Variants in KIRREL3 observed in about 807,000 individuals in gnomAD.
The protein encoded by KIRREL3 is kirre like nephrin family adhesion molecule 3, also known as kin of IRRE-like protein 3.
A neutral mutation model predicts 89.7 loss-of-function variants in KIRREL3; 36 were observed. That is an observed-to-expected ratio of 0.40 (90% confidence interval 0.31 to 0.53). KIRREL3 has a LOEUF of 0.53. Ranked by LOEUF, KIRREL3 falls within the 20% of genes least tolerant of loss-of-function variation. The pLI, the probability that KIRREL3 is intolerant of heterozygous loss-of-function variation, is 0.49. For synonymous variants in KIRREL3, 445 were observed against 441.4 expected (o/e 1.01, Z -0.10); for missense variants, 864 against 1,056.6 (o/e 0.82, Z 2.53).
intron 4 of KIRREL3, among the ~76,000 whole-genome samples, chr11:126,503,920 CCAGACACAGT>C (rs1317119495): frequency 6.6e-6 from 1 of 152,038 alleles, no homozygotes; most frequent in Non-Finnish European, 1.5e-5. Context: ...CTTCCAGGCT[CCAGACACAGT>C]CTGGAGAAAT....
rs201064900 is a variant in KIRREL3, at chr11:126,820,446, T to C, written c.55+180009A>G. ...ATGATGATCCCAAGTGGAATAACTATATAAGGTGTGGATTCTGACCCAGAG... is the reference window on the plus strand; with the variant it reads ...ATGATGATCCCAAGTGGAATAACTACATAAGGTGTGGATTCTGACCCAGAG... On this transcript the variant is annotated intron_variant, in intron 1 of 16. Coordinates refer to ENST00000525144, the MANE Select transcript of KIRREL3 (RefSeq NM_032531.4). Among the ~76,000 whole-genome samples the C allele has an allele frequency of 1.7e-3, 266 of 152,212 alleles. 1 individual carries two copies. Among genetic ancestry groups the C allele is most frequent in the African/African-American group, 5.7e-3 (237 of 41,518 alleles).
At position 126,490,391 on chromosome 11, in the gene KIRREL3, G is replaced by T. The variant is rs939100316; in HGVS notation, c.434-16925C>A. ...CAGCCTGGCCCTGTCCGTGAGCCAG[G>T]TTATTGGAAATAGACCATGTAGGCC... is the stretch of plus-strand genomic sequence containing the variant. On this transcript the variant is annotated intron_variant, in intron 4 of 16. Transcript: ENST00000525144. This position sits in a 1 kb window ranked among gnomAD's most constrained non-coding sequence, Gnocchi z 4.2. Among the ~76,000 whole-genome samples, 3 of 152,116 alleles carry T rather than the reference G, an allele frequency of 2.0e-5. No individual in the cohort carries two copies. Among genetic ancestry groups the T allele is most frequent in the African/African-American group, 7.2e-5 (3 of 41,416 alleles).
At chr11:126,681,754 A>G (rs1946467212) in intron 1 of KIRREL3, 1 of 374,620 alleles carries the variant, frequency 2.7e-6, no homozygotes, top group Non-Finnish European at 5.3e-6. Flanking sequence ...TCTTAGTGTT[A>G]ACTCCACTCC....
chr11:126,758,030 T>C (rs1169018916), intron 1 of KIRREL3, among the ~76,000 whole-genome samples: 1 of 152,232 alleles, frequency 6.6e-6, no homozygotes, highest in Non-Finnish European at 1.5e-5. Flanking sequence ...ATTTGCATAA[T>C]GACTGATTCC....
In KIRREL3 at chr11:126,898,318, G is replaced by A. The variant is rs537050201; in HGVS notation, c.55+102137C>T. On this transcript the variant is annotated intron_variant, in intron 1 of 16. Transcript: ENST00000525144. This position sits in a 1 kb window ranked among gnomAD's most constrained non-coding sequence, Gnocchi z 4.9. ...TGGAACTGCTCTGAACCAGTGTTGAGAATATAAACTGGTCGGATATTTTAG... is the reference window on the plus strand; with the variant it reads ...TGGAACTGCTCTGAACCAGTGTTGAAAATATAAACTGGTCGGATATTTTAG... Among the ~76,000 whole-genome samples, 8 of 152,332 alleles carry A rather than the reference G, an allele frequency of 5.3e-5. 1 individual carries two copies. Among genetic ancestry groups the A allele is most frequent in the African/African-American group, 1.7e-4 (7 of 41,576 alleles).
At chr11:126,457,162 G>A (rs1016953200) in intron 6 of KIRREL3, among the ~76,000 whole-genome samples, 1 of 135,644 alleles carries the variant, frequency 7.4e-6, no homozygotes, top group Non-Finnish European at 1.6e-5. Flanking sequence ...GAGAGACATG[G>A]AGACCATAGA....
At position 126,459,066 on chromosome 11, in the gene KIRREL3, C is replaced by A. The variant is rs556383429; in HGVS notation, c.743-2612G>T. ...AGGTGGGGCAGAGGAGCTTGGGAAT[C>A]GCCACCGGATCCAAACGCATTGCTG... On this transcript the variant is annotated intron_variant, in intron 6 of 16. Coordinates refer to ENST00000525144, the MANE Select transcript of KIRREL3 (RefSeq NM_032531.4). This position sits in a 1 kb window ranked among gnomAD's most constrained non-coding sequence, Gnocchi z 4.8. Among the ~76,000 whole-genome samples, 1 of 152,078 alleles carries A rather than the reference C, an allele frequency of 6.6e-6. No homozygotes were observed. Among genetic ancestry groups the A allele is most frequent in the South Asian group, 2.1e-4 (1 of 4,806 alleles).
chr11:126,960,829 C>A (rs544895086), intron 1 of KIRREL3, among the ~76,000 whole-genome samples: 1 of 152,192 alleles, frequency 6.6e-6, no homozygotes, highest in South Asian at 2.1e-4. Flanking sequence ...AGGTTTGTGG[C>A]AACCCTCTGT....
rs1412631479 is a variant in KIRREL3 at position 126,664,399 on chromosome 11, G to C, written c.56-101487C>G. The stretch of plus-strand genomic sequence containing the variant: ...AGAGGCAGAGAGTGAAGTCTAGTGA[G>C]ACCACACGGACATGGACTTTCCAGT... On this transcript the variant is annotated intron_variant, in intron 1 of 16. Transcript: ENST00000525144. The surrounding 1 kb of genome is among the most constrained non-coding windows in gnomAD (Gnocchi z 5.4). Among the ~76,000 whole-genome samples, 1 of 152,168 alleles carries C rather than the reference G, an allele frequency of 6.6e-6. No homozygotes were observed. The highest frequency in any genetic ancestry group is 1.5e-5 in the Non-Finnish European group (1 of 68,026).
rs1681005789 is a variant in KIRREL3 at position 126,761,378 on chromosome 11, A to G, written c.56-198466T>C. 6.6e-6 allele frequency among the ~76,000 whole-genome samples: 1 copy of G among 152,160 alleles called. No individual in the cohort carries two copies. Among genetic ancestry groups the G allele is most frequent in the South Asian group, 2.1e-4 (1 of 4,828 alleles). ...CTACTCGCTGGGGCCTGTGAGGCAC[A>G]GCAACTTGCCTGCTTGTCCCCAGCA... On this transcript the variant is annotated intron_variant, in intron 1 of 16. Coordinates refer to ENST00000525144, the MANE Select transcript of KIRREL3 (RefSeq NM_032531.4). This position sits in a 1 kb window ranked among gnomAD's most constrained non-coding sequence, Gnocchi z 4.4.
rs2135044412 is a variant in KIRREL3 at position 126,668,096 on chromosome 11, A to G, written c.56-105184T>C. On this transcript the variant is annotated intron_variant, in intron 1 of 16. Coordinates refer to ENST00000525144, the MANE Select transcript of KIRREL3 (RefSeq NM_032531.4). This position sits in a 1 kb window ranked among gnomAD's most constrained non-coding sequence, Gnocchi z 4.4. ...GTCTTAGTCAGTTTCGGCTATAACA[A>G]AACACCATAAACTGGGTGGTTTATA... Among the ~76,000 whole-genome samples the G allele has an allele frequency of 6.6e-6, 1 of 152,304 alleles. No homozygotes were observed. The highest frequency in any genetic ancestry group is 2.1e-4 in the South Asian group (1 of 4,824).
In KIRREL3 at chr11:126,764,374, C is replaced by T. The variant is rs756262407; in HGVS notation, c.56-201462G>A. ...GACAGCATTGGGCTGACACCTGCAT[C>T]GAATGGAAGCTACACATTTCTGTCC... On this transcript the variant is annotated intron_variant, in intron 1 of 16. Coordinates refer to ENST00000525144, the MANE Select transcript of KIRREL3 (RefSeq NM_032531.4). The surrounding 1 kb of genome is among the most constrained non-coding windows in gnomAD (Gnocchi z 4.2). 6.4e-4 allele frequency among the ~76,000 whole-genome samples: 98 copies of T among 152,258 alleles called. No homozygotes were observed. The highest frequency in any genetic ancestry group is 1.3e-3 in the Non-Finnish European group (87 of 68,030).
At chr11:126,741,241 A>G (rs953530840) in intron 1 of KIRREL3, among the ~76,000 whole-genome samples, 1 of 152,194 alleles carries the variant, frequency 6.6e-6, no homozygotes, top group African/African-American at 2.4e-5. Flanking sequence ...GTTTTAATCC[A>G]GATGCCCATA....
intron 1 of KIRREL3, among the ~76,000 whole-genome samples, chr11:126,672,775 G>C (rs1038708927): frequency 6.6e-6 from 1 of 152,198 alleles, no homozygotes; most frequent in African/African-American, 2.4e-5. Flanking sequence ...ACGTGTTACA[G>C]TGTCTCTTTT....
rs1422172125 is a variant in KIRREL3 at position 126,498,634 on chromosome 11, C to A, written c.433+22681G>T. On this transcript the variant is annotated intron_variant, in intron 4 of 16. Coordinates refer to ENST00000525144, the MANE Select transcript of KIRREL3 (RefSeq NM_032531.4). This position sits in a 1 kb window ranked among gnomAD's most constrained non-coding sequence, Gnocchi z 4.3. ...GTGTCACAGCCAGGAGGGGAAGGGG[C>A]CCGTGACCTGGCACCCTGTGACGAC... is the stretch of plus-strand genomic sequence containing the variant. 6.6e-6 allele frequency among the ~76,000 whole-genome samples: 1 copy of A among 152,156 alleles called. No individual in the cohort carries two copies. Among genetic ancestry groups the A allele is most frequent in the African/African-American group, 2.4e-5 (1 of 41,452 alleles).
In KIRREL3 at chr11:126,436,968, C is replaced by A; in HGVS notation, c.1395G>T (p.Ser465=). 3 of 1,584,300 alleles carry A rather than the reference C, an allele frequency of 1.9e-6. No individual in the cohort carries two copies. Among genetic ancestry groups the A allele is most frequent in the Non-Finnish European group, 8.6e-7 (1 of 1,160,924 alleles). Residue 465 remains serine, a synonymous_variant, in exon 12 of 17, where the codon TCG becomes TCT. Transcript: ENST00000525144. ...TGATGGTCTCCACCGTATAGCGCCC[C>A]GATGTGCCCGACTCCAGAACGTTCT... is the stretch of plus-strand genomic sequence containing the variant. The part of the protein sequence containing the change: ...WKENVLESGT[S]GRYTVETIST...
Position 126,605,179 on chromosome 11 carries a change from GGCCCCATGGATAACTATATCTAGGGACC to G in KIRREL3, c.56-42295_56-42268del, listed in dbSNP as rs1469162213. 5.9e-5 allele frequency among the ~76,000 whole-genome samples: 9 copies of G among 152,100 alleles called. No homozygotes were observed. On this transcript the variant is annotated intron_variant, in intron 1 of 16. Transcript: ENST00000525144. This position sits in a 1 kb window ranked among gnomAD's most constrained non-coding sequence, Gnocchi z 5.7. ...TGCTCTCCCATCTGCAGCAGGTTGG[GGCCCCATGGATAACTATATCTAGGGACC>G]GACTCCTGGGATCTTACCAAGTCAC...
At position 126,721,307 on chromosome 11, in the gene KIRREL3, G is replaced by A. The variant is rs1023869473; in HGVS notation, c.56-158395C>T. 2.6e-5 allele frequency among the ~76,000 whole-genome samples: 4 copies of A among 152,108 alleles called. No individual in the cohort carries two copies. In the East Asian group the frequency reaches 5.8e-4, roughly 22 times the overall value. On this transcript the variant is annotated intron_variant, in intron 1 of 16. Transcript: ENST00000525144. ...GCACTTTGGGAGGCCGAGGTGGATG[G>A]ATCATCTGAGGTCGGGAGTTCGAGA...
chr11:126,840,412 T>C (rs1444983610), intron 1 of KIRREL3, among the ~76,000 whole-genome samples: 4 of 152,158 alleles, frequency 2.6e-5, no homozygotes, highest in Non-Finnish European at 5.9e-5. Context: ...CCATTACTCA[T>C]AGGATCTGAG....
Sources: allele counts gnomAD v4.1 joint callset (sites outside exome capture counted in the v4.1 genomes callset), GRCh38; gene constraint gnomAD v4.1.1; non-coding constraint Gnocchi (gnomAD v3.1); transcripts MANE v1.5; gene names NCBI Gene and HGNC (gene_info 2026-07-23, HGNC 2026-07-21).